SPOCK3: variants seen among roughly 807,000 people sequenced by gnomAD.
SPOCK3 encodes testican-3.
SPOCK3 carries 30 observed loss-of-function variants against 56.6 expected under a neutral mutation model. The observed-to-expected ratio is 0.53, with a 90% confidence interval of 0.40 to 0.72. The LOEUF (loss-of-function observed/expected upper bound fraction) is 0.72, where lower values mean the gene tolerates loss of function less well. Ranked by LOEUF, SPOCK3 falls within the 30% of genes least tolerant of loss-of-function variation. SPOCK3 has a pLI of 0.00. For synonymous variants in SPOCK3, 196 were observed against 183.3 expected (o/e 1.07, Z -0.56); for missense variants, 527 against 530.0 (o/e 0.99, Z 0.06).
chr4:167,005,676 C>T (rs1749396487), intron 3 of SPOCK3, among the ~76,000 whole-genome samples: 1 of 152,044 alleles, frequency 6.6e-6, no homozygotes, highest in East Asian at 1.9e-4. Flanking sequence ...AGCTCTTAAA[C>T]CTTAGAATTT....
At chr4:167,094,833 T>C (rs1007200335) in intron 2 of SPOCK3, among the ~76,000 whole-genome samples, 2 of 152,086 alleles carry the variant, frequency 1.3e-5, no homozygotes, top group African/African-American at 4.8e-5. Flanking sequence ...TCCAGAATAA[T>C]GTACATAGAG....
chr4:167,058,298 A>C (rs1194275093), intron 3 of SPOCK3, among the ~76,000 whole-genome samples: 1 of 152,232 alleles, frequency 6.6e-6, no homozygotes, highest in African/African-American at 2.4e-5. Context: ...CAACTTCAGC[A>C]AAGTCTCAGG....
Position 167,055,739 on chromosome 4 carries a change from G to C in SPOCK3, c.235+6753C>G, listed in dbSNP as rs1024982648. Among the ~76,000 whole-genome samples, 9 of 152,286 alleles carry C rather than the reference G, an allele frequency of 5.9e-5. No homozygotes were observed. The South Asian group carries it at 8.3e-4, about 14-fold the overall frequency. ...TGAGATCAAACTGCAAGGCTGCAGC[G>C]AGGCTGGGGGAGGGAGCCCGCCATT... On this transcript the variant is annotated intron_variant, in intron 3 of 10. Coordinates refer to ENST00000357545, the MANE Select transcript of SPOCK3 (RefSeq NM_001040159.2).
At chr4:166,976,405 C>A (rs1745952358) in intron 4 of SPOCK3, among the ~76,000 whole-genome samples, 2 of 152,122 alleles carry the variant, frequency 1.3e-5, no homozygotes, top group Admixed American at 6.5e-5. Context: ...CCTATTGCAA[C>A]CCAATGTCAG....
chr4:166,898,047 A>T (rs904433442), intron 5 of SPOCK3, among the ~76,000 whole-genome samples: 9 of 151,828 alleles, frequency 5.9e-5, no homozygotes, highest in South Asian at 4.1e-4. Flanking sequence ...AAAATAAAAA[A>T]AAAAGTGGCT....
chr4:167,081,968 T>C (rs564530241), intron 2 of SPOCK3, among the ~76,000 whole-genome samples: 4 of 152,160 alleles, frequency 2.6e-5, no homozygotes, highest in Non-Finnish European at 5.9e-5. Context: ...CTCCCATGAA[T>C]TCTTCATGCA....
At chr4:167,047,476 A>T (rs1485680124) in intron 3 of SPOCK3, among the ~76,000 whole-genome samples, 2 of 152,196 alleles carry the variant, frequency 1.3e-5, no homozygotes, top group African/African-American at 4.8e-5. Context: ...AAATCATTGT[A>T]TGAATTTCCC....
intron 6 of SPOCK3, among the ~76,000 whole-genome samples, chr4:166,878,204 G>A (rs1262509390): frequency 2.0e-5 from 3 of 152,172 alleles, no homozygotes; most frequent in Admixed American, 6.5e-5. Flanking sequence ...GCTTGAACCC[G>A]GGTGGCGAAG....
intron 5 of SPOCK3, among the ~76,000 whole-genome samples, chr4:166,895,698 C>T (rs1735304896): frequency 1.3e-5 from 2 of 152,026 alleles, no homozygotes; most frequent in Non-Finnish European, 2.9e-5. Flanking sequence ...ATACCAAGGG[C>T]TTATTTTAAA....
chr4:167,133,378 T>C (rs1762849713), intron 2 of SPOCK3, among the ~76,000 whole-genome samples: 1 of 152,162 alleles, frequency 6.6e-6, no homozygotes, highest in Non-Finnish European at 1.5e-5. Flanking sequence ...GCACTTGAGT[T>C]TAGCCTCATC....
In SPOCK3 at chr4:166,878,124, C is replaced by G. The variant is rs142099841; in HGVS notation, c.589+11006G>C. On this transcript the variant is annotated intron_variant, in intron 6 of 10. Transcript: ENST00000357545. ...AACCCCATCTCTACTAAAAAAAATA[C>G]AAAAATTATCTGGGCGAATTGGCAC... Among the ~76,000 whole-genome samples, 418 of 152,106 alleles carry G rather than the reference C, an allele frequency of 2.7e-3. 1 individual carries two copies. Among genetic ancestry groups the G allele is most frequent in the Non-Finnish European group, 4.8e-3 (323 of 67,974 alleles).
chr4:166,859,840 G>A (rs1218838515), intron 6 of SPOCK3, among the ~76,000 whole-genome samples: 2 of 152,082 alleles, frequency 1.3e-5, no homozygotes, highest in Admixed American at 6.6e-5. Flanking sequence ...ACTTTCCAAA[G>A]ACATTCTAGG....
In SPOCK3 at chr4:167,224,267, T is replaced by C. The variant is rs181184453; in HGVS notation, c.189+9718A>G. ...TTTAAACTTAATTACCATAGTTAGC[T>C]GGAATTTTCAGAGAATAAAATAGGA... On this transcript the variant is annotated intron_variant, in intron 2 of 10. Transcript: ENST00000357545. Among the ~76,000 whole-genome samples the C allele has an allele frequency of 7.0e-4, 106 of 152,196 alleles. 1 individual carries two copies. The East Asian group carries it at 0.017, about 24-fold the overall frequency.
At chr4:167,150,509 G>C (rs566588442) in intron 2 of SPOCK3, among the ~76,000 whole-genome samples, 1 of 152,230 alleles carries the variant, frequency 6.6e-6, no homozygotes, top group East Asian at 1.9e-4. Context: ...GGTGGAAAGA[G>C]TGGAAGACAC....
intron 2 of SPOCK3, among the ~76,000 whole-genome samples, chr4:167,145,493 T>C (rs1239279197): frequency 6.6e-6 from 1 of 151,974 alleles, no homozygotes; most frequent in East Asian, 1.9e-4. Context: ...AGTAAGGCTG[T>C]GTGTCACCCT....
chr4:167,118,917 G>T (rs897671780), intron 2 of SPOCK3, among the ~76,000 whole-genome samples: 1 of 151,898 alleles, frequency 6.6e-6, no homozygotes, highest in Non-Finnish European at 1.5e-5. Flanking sequence ...ACTATTATCC[G>T]CTGCTGGTTT....
At chr4:167,205,613 A>C (rs1390603118) in intron 2 of SPOCK3, among the ~76,000 whole-genome samples, 13 of 111,774 alleles carry the variant, frequency 1.2e-4, no homozygotes, top group Non-Finnish European at 1.9e-4. Flanking sequence ...TATATATAAA[A>C]TATCTATATA....
At position 166,837,121 on chromosome 4, in the gene SPOCK3, T is replaced by C. The variant is rs150802754; in HGVS notation, c.590-44832A>G. On this transcript the variant is annotated intron_variant, in intron 6 of 10. Coordinates refer to ENST00000357545, the MANE Select transcript of SPOCK3 (RefSeq NM_001040159.2). ...GAGGACTTTCTCCTTCCTTATTACA[T>C]CTATAAAAAGTTGGCAGGAGTTTTG... 4.6e-5 allele frequency among the ~76,000 whole-genome samples: 7 copies of C among 152,318 alleles called. No individual in the cohort carries two copies. The East Asian group carries it at 1.3e-3, about 29-fold the overall frequency.
chr4:166,873,026 A>C (rs1029380767), intron 6 of SPOCK3, among the ~76,000 whole-genome samples: 2 of 152,122 alleles, frequency 1.3e-5, no homozygotes, highest in Non-Finnish European at 2.9e-5. Flanking sequence ...GGGAGAGCTC[A>C]TTCACGCCTT....
Sources: allele counts gnomAD v4.1 joint callset (sites outside exome capture counted in the v4.1 genomes callset), GRCh38; gene constraint gnomAD v4.1.1; transcripts MANE v1.5; gene names NCBI Gene and HGNC (gene_info 2026-07-23, HGNC 2026-07-21).